The following ZNF486 variants were observed in gnomAD, a reference collection of about 807,000 sequenced individuals.
ZNF486 encodes the protein KRAB box only protein 2.
A neutral mutation model predicts 12.8 loss-of-function variants in ZNF486; 12 were observed. That is an observed-to-expected ratio of 0.94 (90% CI 0.60 to 1.52). The LOEUF (loss-of-function observed/expected upper bound fraction) is 1.52, where lower values mean the gene tolerates loss of function less well. Ranked by LOEUF, ZNF486 falls within the 40% of genes most tolerant of loss-of-function variation. The pLI is 0.00. For synonymous variants in ZNF486, 231 were observed against 184.9 expected, an observed-to-expected ratio of 1.25 and a Z score of -2.02; for missense variants, 738 against 545.0, an observed-to-expected ratio of 1.35 and a Z score of -3.53.
chr19:20,180,816 A>C lies in ZNF486; in HGVS notation c.31-3540A>C, dbSNP rs2089776531. On this transcript the variant is annotated intron_variant, in intron 1 of 3. Coordinates refer to ENST00000335117, the MANE Select transcript of ZNF486 (RefSeq NM_052852.4). ...TGGGATTACAGGTGTAAGGCAGTGCACCCAGCTGTATAATTTCTACTTTTT... is the reference window on the plus strand; with the variant it reads ...TGGGATTACAGGTGTAAGGCAGTGCCCCCAGCTGTATAATTTCTACTTTTT... 2.6e-5 allele frequency among the ~76,000 whole-genome samples: 4 copies of C among 152,100 alleles called. No individual in the cohort carries two copies. The South Asian group carries it at 8.3e-4, about 32-fold the overall frequency.
At chr19:20,177,577 T>A (rs1217145587) in intron 1 of ZNF486, among the ~76,000 whole-genome samples, 1 of 152,230 alleles carries the variant, frequency 6.6e-6, no homozygotes, top group Non-Finnish European at 1.5e-5. Context: ...AATTGTAAAA[T>A]AAAAACGTTT....
In ZNF486 at chr19:20,175,983, C is replaced by T. The variant is rs567179871; in HGVS notation, c.31-8373C>T. 1.7e-3 allele frequency: 281 copies of T among 165,576 alleles called. 3 individuals carry two copies. Among genetic ancestry groups the T allele is most frequent in the East Asian group, 7.6e-3 (40 of 5,250 alleles). The allele number at this position is 165,576 out of a possible 1,614,324, so 10.3% of individuals were successfully genotyped here. A position where few individuals can be genotyped will look rare whatever the true frequency, so the allele number is the denominator to read the frequency against. ...GGACTGACCCCACCTCCCTCCCGGA[C>T]GGGGCGGCTGGCCTGGCGGGGGCTG... On this transcript the variant is annotated intron_variant, in intron 1 of 3. Coordinates refer to ENST00000335117, the MANE Select transcript of ZNF486 (RefSeq NM_052852.4).
At chr19:20,182,856 T>A (rs184847050) in intron 1 of ZNF486, among the ~76,000 whole-genome samples, 5 of 152,098 alleles carry the variant, frequency 3.3e-5, no homozygotes, top group Non-Finnish European at 4.4e-5. Context: ...GCAGGTGTAA[T>A]TTTTCCAGAG....
At chr19:20,187,343 T>C (rs922284916) in intron 3 of ZNF486, among the ~76,000 whole-genome samples, 3 of 152,040 alleles carry the variant, frequency 2.0e-5, no homozygotes. Flanking sequence ...CAGCGACTTT[T>C]TACTTATTTT....
intron 1 of ZNF486, among the ~76,000 whole-genome samples, chr19:20,177,928 A>ATTTTTT (rs1192019845): frequency 5.0e-5 from 7 of 140,120 alleles, no homozygotes; most frequent in African/African-American, 2.0e-4. Flanking sequence ...GGCTGTAAAC[A>ATTTTTT]TTTGTTCTTT....
intron 1 of ZNF486, among the ~76,000 whole-genome samples, chr19:20,180,451 C>T (rs1434585795): frequency 2.0e-5 from 3 of 152,120 alleles, no homozygotes; most frequent in Non-Finnish European, 4.4e-5. Context: ...TTGAATTGTG[C>T]ATTGTATGGT....
At chr19:20,178,765 C>A (rs569699974) in intron 1 of ZNF486, among the ~76,000 whole-genome samples, 27 of 152,310 alleles carry the variant, frequency 1.8e-4, no homozygotes, top group East Asian at 7.7e-4. Flanking sequence ...TCTAGAGAGG[C>A]TAGATCAGAT....
Position 20,169,860 on chromosome 19 carries a change from TTAGAAGGGACATA to T in ZNF486, c.30+2501_30+2513del, listed in dbSNP as rs2089627541. 6.6e-5 allele frequency among the ~76,000 whole-genome samples: 10 copies of T among 151,350 alleles called. No individual in the cohort carries two copies. In the South Asian group the frequency reaches 1.9e-3, roughly 29 times the overall value. ...GTCTTACCCTGAAATCACCGTGTTC[TTAGAAGGGACATA>T]AGATGGGGTTGTATGTTTTTTTTTT... On this transcript the variant is annotated intron_variant, in intron 1 of 3. Transcript: ENST00000335117.
chr19:20,193,728 C>A (rs549000248), intron 3 of ZNF486, among the ~76,000 whole-genome samples: 1 of 152,104 alleles, frequency 6.6e-6, no homozygotes, highest in Admixed American at 6.5e-5. Flanking sequence ...TCGTTTTCTG[C>A]AATAGAAAAA....
chr19:20,190,856 C>T (rs1555717090), intron 3 of ZNF486, among the ~76,000 whole-genome samples: 1 of 152,118 alleles, frequency 6.6e-6, no homozygotes, highest in African/African-American at 2.4e-5. Flanking sequence ...CCTCATGCTG[C>T]AAAATAAATC....
In ZNF486 at chr19:20,199,068, T is replaced by A. The variant is rs2122693352; in HGVS notation, c.*966T>A. 1 of 152,282 alleles carries A rather than the reference T, an allele frequency of 6.6e-6. No homozygotes were observed. The highest frequency in any genetic ancestry group is 1.9e-4 in the East Asian group (1 of 5,190). The allele number at this position is 152,282 out of a possible 1,614,324, so 9.4% of individuals were successfully genotyped here. Reference sequence around the variant, plus strand: ...AGAATGTGGCAAAACTTTTAATCAGTGCTTACACCGTATTTCACAGGAAAG... The same window carrying A: ...AGAATGTGGCAAAACTTTTAATCAGAGCTTACACCGTATTTCACAGGAAAG... On this transcript the variant is annotated 3_prime_UTR_variant, in exon 4 of 4. Transcript: ENST00000335117.
rs575901419 is a variant in ZNF486 at position 20,176,378 on chromosome 19, C to T, written c.31-7978C>T. On this transcript the variant is annotated intron_variant, in intron 1 of 3. Transcript: ENST00000335117. ...GCAGAGGGGCCCCTCACATCCCAGA[C>T]GATGGGCGGCCAGGCAGAGACGCTC... is the stretch of plus-strand genomic sequence containing the variant. The T allele has an allele frequency of 1.6e-4, 23 of 140,914 alleles. 1 individual carries two copies. Among genetic ancestry groups the T allele is most frequent in the South Asian group, 1.1e-3 (9 of 8,030 alleles). 8.7% of individuals were successfully genotyped at this position (140,914 alleles called of 1,614,324 possible).
intron 1 of ZNF486, among the ~76,000 whole-genome samples, chr19:20,174,590 T>C (rs1344374231): frequency 1.3e-5 from 2 of 150,788 alleles, no homozygotes; most frequent in African/African-American, 5.0e-5. Context: ...GTTGTCACCA[T>C]GTTCGCCAGT....
chr19:20,188,059 C>T (rs2089868011), intron 3 of ZNF486, among the ~76,000 whole-genome samples: 1 of 152,076 alleles, frequency 6.6e-6, no homozygotes, highest in Admixed American at 6.6e-5. Context: ...TTTTTGTAGT[C>T]AGGTCTGCAT....
chr19:20,192,596 C>A (rs1275272044), intron 3 of ZNF486, among the ~76,000 whole-genome samples: 1 of 152,204 alleles, frequency 6.6e-6, no homozygotes, highest in Non-Finnish European at 1.5e-5. Context: ...GCATCAGCCA[C>A]CACGCCTGGC....
rs4808232 is a variant in ZNF486, at chr19:20,193,543, C to A, written c.254-3421C>A. 3.9e-3 allele frequency among the ~76,000 whole-genome samples: 595 copies of A among 152,172 alleles called. 3 individuals carry two copies. Among genetic ancestry groups the A allele is most frequent in the Non-Finnish European group, 6.4e-3 (434 of 68,010 alleles). On this transcript the variant is annotated intron_variant, in intron 3 of 3. Coordinates refer to ENST00000335117, the MANE Select transcript of ZNF486 (RefSeq NM_052852.4). ...GGGCATGCTGGCAGGTGCCTATAAT[C>A]CCAGCTCCTCAGGAGGCTGAAGCAG...
At chr19:20,172,382 T>C (rs191536165) in intron 1 of ZNF486, among the ~76,000 whole-genome samples, 130 of 151,296 alleles carry the variant, frequency 8.6e-4, no homozygotes, top group African/African-American at 3.0e-3. Flanking sequence ...CTTGACCAAC[T>C]GCAACCTTCA....
chr19:20,188,544 C>T (rs769810656), intron 3 of ZNF486: 1 of 397,964 alleles, frequency 2.5e-6, no homozygotes, highest in Non-Finnish European at 4.4e-6. Flanking sequence ...AATTGCCAGG[C>T]ATGGTGGTAT....
chr19:20,197,872 A>G lies in ZNF486; in HGVS notation c.1162A>G (p.Thr388Ala). ...ATGTGAAGAATGTGGCAAAGCCTTTACATGGTCTGCAGGCCTCCATAAACA... is the reference window on the plus strand; with the variant it reads ...ATGTGAAGAATGTGGCAAAGCCTTTGCATGGTCTGCAGGCCTCCATAAACA... ...YKCEECGKAF[T>A]WSAGLHKHRR... The change falls in exon 4 of 4, where the codon ACA becomes GCA. Residue 388 changes from threonine (T) to alanine (A), a missense_variant. Physicochemically the swap from Thr to Ala is moderately conservative, Grantham distance 58. Coordinates refer to ENST00000335117, the MANE Select transcript of ZNF486 (RefSeq NM_052852.4). 1.2e-6 allele frequency: 2 copies of G among 1,613,470 alleles called. No homozygotes were observed. The highest frequency in any genetic ancestry group is 1.7e-6 in the Non-Finnish European group (2 of 1,179,892).
Sources: allele counts gnomAD v4.1 joint callset (sites outside exome capture counted in the v4.1 genomes callset), GRCh38; gene constraint gnomAD v4.1.1; transcripts MANE v1.5; gene names NCBI Gene and HGNC (gene_info 2026-07-23, HGNC 2026-07-21).